The following ZC3H3 variants were observed in gnomAD, a reference collection of about 807,000 sequenced individuals.
The protein encoded by ZC3H3 is zinc finger CCCH domain-containing protein 3.
In ZC3H3, 36 loss-of-function variants were observed where a neutral mutation model predicts 77.3. That is an observed-to-expected ratio of 0.47 (90% CI 0.36 to 0.61). The LOEUF (loss-of-function observed/expected upper bound fraction) is 0.61, where lower values mean the gene tolerates loss of function less well. Among genes scored for constraint, ZC3H3 ranks in the 20% least tolerant of loss-of-function variants. ZC3H3 has a pLI of 0.00. For missense variants in ZC3H3, 1,331 were observed against 1,312.2 expected (o/e 1.01, Z -0.22); for synonymous variants, 626 against 555.2 (o/e 1.13, Z -1.79).
chr8:143,531,460 C>G (rs575513068), intron 3 of ZC3H3, among the ~76,000 whole-genome samples: 28 of 152,288 alleles, frequency 1.8e-4, no homozygotes, highest in African/African-American at 6.3e-4. Flanking sequence ...GGAGAGGCAC[C>G]GAAGAGTCAG....
At chr8:143,474,384 G>A (rs114451579) in intron 5 of ZC3H3, among the ~76,000 whole-genome samples, 168 of 152,364 alleles carry the variant, frequency 1.1e-3, no homozygotes, top group Non-Finnish European at 1.8e-3. Context: ...CCAGGCTACA[G>A]GCATGGTCAT....
chr8:143,533,234 T>C lies in ZC3H3; in HGVS notation c.1561+3023A>G, dbSNP rs62521948. ...ATCCCCTCCAAGCCACACTCCCAGA[T>C]GGTGAACTGGCCCCACAGCCTCCTT... is the stretch of plus-strand genomic sequence containing the variant. On this transcript the variant is annotated intron_variant, in intron 3 of 11. Coordinates refer to ENST00000262577, the MANE Select transcript of ZC3H3 (RefSeq NM_015117.3). The surrounding 1 kb of genome is among the most constrained non-coding windows in gnomAD (Gnocchi z 4.0). Among the ~76,000 whole-genome samples, 18,055 of 152,144 alleles carry C rather than the reference T, an allele frequency of 0.12. 1,368 individuals carry two copies. Among genetic ancestry groups the C allele is most frequent in the Admixed American group, 0.2 (3,068 of 15,286 alleles).
intron 4 of ZC3H3, among the ~76,000 whole-genome samples, chr8:143,476,283 G>A (rs781051586): frequency 5.3e-5 from 8 of 152,206 alleles, no homozygotes; most frequent in Non-Finnish European, 8.8e-5. Flanking sequence ...CAGACCCCGG[G>A]CCAGGCTGTT....
At chr8:143,529,375 T>C (rs761293308) in intron 3 of ZC3H3, among the ~76,000 whole-genome samples, 2 of 152,096 alleles carry the variant, frequency 1.3e-5, no homozygotes, top group African/African-American at 4.8e-5. Context: ...GGGTGCAGAA[T>C]CCACCCAGGC....
intron 3 of ZC3H3, among the ~76,000 whole-genome samples, chr8:143,518,138 C>T (rs562806222): frequency 7.0e-4 from 106 of 152,350 alleles, no homozygotes; most frequent in Non-Finnish European, 1.2e-3. Flanking sequence ...CAGCAGGCAG[C>T]TCCAGGGCCA....
chr8:143,440,454 C>A, intron 10 of ZC3H3, 91 bp from the exon 11 acceptor site: 1 of 1,456,390 alleles, frequency 6.9e-7, no homozygotes. Context: ...GCTTCCTGCT[C>A]CCGTGGCCCT....
At chr8:143,441,157 G>A in intron 9 of ZC3H3, 37 bp from the exon 10 acceptor site, 1 of 1,371,386 alleles carries the variant, frequency 7.3e-7, no homozygotes, top group Non-Finnish European at 9.4e-7. Context: ...TGGGCCGGCT[G>A]GAGGCTGTGG....
Position 143,536,500 on chromosome 8 carries a change from T to C in ZC3H3, c.1365-47A>G, listed in dbSNP as rs1286483838. The stretch of plus-strand genomic sequence containing the variant: ...AGCTCTCAACAAGCCCTGGGGGTTC[T>C]GCCCACCCACCCTTCCTCACCAGGA... On this transcript the variant is annotated intron_variant, in intron 2 of 11. Transcript: ENST00000262577. 7 of 1,447,300 alleles carry C rather than the reference T, an allele frequency of 4.8e-6. No individual in the cohort carries two copies. In the South Asian group the frequency reaches 7.1e-5, roughly 15 times the overall value. The allele number at this position is 1,447,300 out of a possible 1,614,324, so 89.7% of individuals were successfully genotyped here.
At position 143,462,469 on chromosome 8, in the gene ZC3H3, C is replaced by A. The variant is rs1820291111; in HGVS notation, c.2307+3248G>T. Among the ~76,000 whole-genome samples the A allele has an allele frequency of 6.6e-6, 1 of 152,246 alleles. No homozygotes were observed. ...AGCACTGGCGAAAGCAAGGCACCAA[C>A]AGAGAAGCGCTGTATGTGAACAAAA... On this transcript the variant is annotated intron_variant, in intron 9 of 11. Transcript: ENST00000262577. The surrounding 1 kb of genome is among the most constrained non-coding windows in gnomAD (Gnocchi z 4.7).
At position 143,507,779 on chromosome 8, in the gene ZC3H3, G is replaced by T; in HGVS notation, c.1682C>A (p.Pro561His). 6.3e-7 allele frequency: 1 copy of T among 1,598,812 alleles called. No homozygotes were observed. Among genetic ancestry groups the T allele is most frequent in the Non-Finnish European group, 8.5e-7 (1 of 1,174,684 alleles). ...TGAGAGCCGCCGGGCCCGCCAGGAG[G>T]GCAGAGACAGGGGGAAGGGCGGGGC... Reference protein sequence around the residue: ...LSAPPFPLSLPSWRARRLSLS... With the variant: ...LSAPPFPLSLHSWRARRLSLS... The change falls in exon 4 of 12, where the codon CCC becomes CAC. Residue 561 changes from proline (P) to histidine (H), a missense_variant. Around this residue, in one of 3 missense-constraint regions of ZC3H3, gnomAD observed 978 missense variants for 915.5 expected, o/e 1.07. Transcript: ENST00000262577.
At chr8:143,446,351 G>A (rs1272464244) in intron 9 of ZC3H3, among the ~76,000 whole-genome samples, 2 of 152,188 alleles carry the variant, frequency 1.3e-5, no homozygotes, top group African/African-American at 2.4e-5. Flanking sequence ...TTTTCAACAC[G>A]TCACAAAGAA....
chr8:143,470,131 C>A (rs1396964999), intron 5 of ZC3H3, among the ~76,000 whole-genome samples: 1 of 152,184 alleles, frequency 6.6e-6, no homozygotes, highest in Non-Finnish European at 1.5e-5. Context: ...TGGAGCCCCC[C>A]CCACTCCTCG....
chr8:143,499,721 A>G (rs1821466870), intron 4 of ZC3H3, among the ~76,000 whole-genome samples: 1 of 151,984 alleles, frequency 6.6e-6, no homozygotes, highest in Non-Finnish European at 1.5e-5. Context: ...CAGACAGGAT[A>G]CCTCCACCCT....
chr8:143,453,694 A>G (rs1316290054), intron 9 of ZC3H3, among the ~76,000 whole-genome samples: 1 of 152,258 alleles, frequency 6.6e-6, no homozygotes, highest in Admixed American at 6.5e-5. Context: ...GATAAGCAAA[A>G]ATATGGATAA....
At chr8:143,505,039 C>T (rs61030915) in intron 4 of ZC3H3, among the ~76,000 whole-genome samples, 63 of 152,328 alleles carry the variant, frequency 4.1e-4, no homozygotes, top group African/African-American at 1.4e-3. Flanking sequence ...GCATCCCACA[C>T]CGGCGCTGTC....
At chr8:143,510,603 C>T (rs1821841819) in intron 3 of ZC3H3, among the ~76,000 whole-genome samples, 1 of 152,226 alleles carries the variant, frequency 6.6e-6, no homozygotes, top group Non-Finnish European at 1.5e-5. Context: ...CCCTGTTCCC[C>T]AGGGTGTGCA....
At chr8:143,448,456 C>A (rs575883252) in intron 9 of ZC3H3, among the ~76,000 whole-genome samples, 50 of 152,338 alleles carry the variant, frequency 3.3e-4, no homozygotes, top group African/African-American at 8.7e-4. Context: ...GAAAGGGGTA[C>A]AGGCCTTATG....
intron 3 of ZC3H3, among the ~76,000 whole-genome samples, chr8:143,522,208 A>G (rs1822268821): frequency 1.3e-5 from 2 of 152,196 alleles, no homozygotes; most frequent in South Asian, 4.1e-4. Context: ...TGCTCCTCAC[A>G]GGCCTTTACA....
chr8:143,440,686 T>C (rs1214458687), intron 10 of ZC3H3, among the ~76,000 whole-genome samples: 2 of 152,190 alleles, frequency 1.3e-5, no homozygotes, highest in Non-Finnish European at 2.9e-5. Flanking sequence ...CCGGTCCCAG[T>C]GAGCAGGTCT....
Sources: allele counts gnomAD v4.1 joint callset (sites outside exome capture counted in the v4.1 genomes callset), GRCh38; gene constraint gnomAD v4.1.1; regional missense constraint gnomAD v4.1.1; non-coding constraint Gnocchi (gnomAD v3.1); transcripts MANE v1.5; gene names NCBI Gene and HGNC (gene_info 2026-07-23, HGNC 2026-07-21).